The following DIS3L2 variants were observed in gnomAD, a reference collection of about 807,000 sequenced individuals.
DIS3L2 encodes the protein DIS3-like exonuclease 2.
Under a neutral mutation model 97.5 loss-of-function variants are expected in DIS3L2, and 34 were observed. The ratio of observed to expected loss-of-function variants is 0.35; its 90% confidence interval spans 0.27 to 0.46. The LOEUF (loss-of-function observed/expected upper bound fraction) is 0.46, where lower values mean the gene tolerates loss of function less well. Ranked by LOEUF, DIS3L2 falls within the 20% of genes least tolerant of loss-of-function variation. The pLI is 1.00. For synonymous variants in DIS3L2, 435 were observed against 445.2 expected, an observed-to-expected ratio of 0.98 and a Z score of 0.29; for missense variants, 1,038 against 1,146.0, an observed-to-expected ratio of 0.91 and a Z score of 1.36.
intron 5 of DIS3L2, among the ~76,000 whole-genome samples, chr2:232,031,920 G>T (rs1433405581): frequency 2.0e-5 from 3 of 152,162 alleles, no homozygotes; most frequent in Non-Finnish European, 4.4e-5. Flanking sequence ...ATTTGAGTTG[G>T]TTCCAAGTCT....
chr2:232,148,752 T>C (rs1407841792), intron 8 of DIS3L2, among the ~76,000 whole-genome samples: 43 of 134,448 alleles, frequency 3.2e-4, no homozygotes, highest in African/African-American at 6.0e-4. Flanking sequence ...TTCTTTCTTT[T>C]TTTTTTTTTT....
intron 1 of DIS3L2, among the ~76,000 whole-genome samples, chr2:232,008,709 G>A (rs575044714): frequency 4.6e-5 from 7 of 152,186 alleles, no homozygotes; most frequent in African/African-American, 1.7e-4. Context: ...GCTGAGGATC[G>A]GCAAAACTTG....
intron 6 of DIS3L2, among the ~76,000 whole-genome samples, chr2:232,111,759 T>C (rs1225021552): frequency 6.6e-6 from 1 of 152,224 alleles, no homozygotes; most frequent in African/African-American, 2.4e-5. Flanking sequence ...CCAGTCAGGC[T>C]GAATCCTGCT....
intron 5 of DIS3L2, among the ~76,000 whole-genome samples, chr2:232,032,923 G>C (rs553637000): frequency 4.3e-4 from 65 of 152,230 alleles, no homozygotes; most frequent in African/African-American, 1.5e-3. Context: ...GTCAGGTAGC[G>C]TGATGCCTCC....
At chr2:232,197,449 G>A (rs1296535714) in intron 9 of DIS3L2, among the ~76,000 whole-genome samples, 1 of 152,014 alleles carries the variant, frequency 6.6e-6, no homozygotes, top group East Asian at 1.9e-4. Context: ...CTTGGTACTT[G>A]ACTTTCTCAG....
At chr2:231,991,917 G>A (rs763098509) in intron 1 of DIS3L2, among the ~76,000 whole-genome samples, 2 of 152,102 alleles carry the variant, frequency 1.3e-5, no homozygotes, top group East Asian at 3.9e-4. Context: ...AGTGATGAAC[G>A]GGACATACAA....
At chr2:232,265,678 T>A (rs1342802007) in intron 13 of DIS3L2, among the ~76,000 whole-genome samples, 1 of 152,224 alleles carries the variant, frequency 6.6e-6, no homozygotes, top group Non-Finnish European at 1.5e-5. Flanking sequence ...AAAAACTAAG[T>A]TAAATGTTTT....
intron 9 of DIS3L2, among the ~76,000 whole-genome samples, chr2:232,200,584 A>AT (rs1013874702): frequency 8.0e-5 from 12 of 149,634 alleles, no homozygotes; most frequent in African/African-American, 3.1e-4. Flanking sequence ...AACACAGTGA[A>AT]TTTTTTTAAA....
At chr2:232,143,814 C>G (rs1690139858) in intron 8 of DIS3L2, among the ~76,000 whole-genome samples, 1 of 152,064 alleles carries the variant, frequency 6.6e-6, no homozygotes, top group African/African-American at 2.4e-5. Context: ...AGTTCCCTGT[C>G]TGTTCTCCTG....
chr2:232,240,881 T>C (rs1232300653), intron 11 of DIS3L2, among the ~76,000 whole-genome samples: 1 of 152,200 alleles, frequency 6.6e-6, no homozygotes, highest in Admixed American at 6.5e-5. Context: ...AATCAGAAAA[T>C]GAAAAAATCA....
intron 6 of DIS3L2, among the ~76,000 whole-genome samples, chr2:232,096,457 C>T (rs13029321): frequency 0.14 from 20,999 of 152,056 alleles, 1,890 homozygotes; most frequent in South Asian, 0.34. Context: ...ATATTAATGT[C>T]TTTCTCTAGG....
intron 13 of DIS3L2, among the ~76,000 whole-genome samples, chr2:232,286,520 G>A (rs1694437456): frequency 6.6e-6 from 1 of 152,178 alleles, no homozygotes; most frequent in South Asian, 2.1e-4. Flanking sequence ...GAAATATTGA[G>A]TCCCAATCAG....
At chr2:232,318,933 G>T (rs1695351729) in intron 14 of DIS3L2, among the ~76,000 whole-genome samples, 1 of 152,204 alleles carries the variant, frequency 6.6e-6, no homozygotes. Context: ...TGAAACCCCA[G>T]GAGCATTCCA....
chr2:231,962,532 T>G (rs1442738061), intron 1 of DIS3L2, among the ~76,000 whole-genome samples: 1 of 151,704 alleles, frequency 6.6e-6, no homozygotes, highest in Non-Finnish European at 1.5e-5. Context: ...CCTCCTGGGT[T>G]CATGCCATTC....
At chr2:232,232,421 A>C (rs1692818758) in intron 10 of DIS3L2, among the ~76,000 whole-genome samples, 3 of 152,222 alleles carry the variant, frequency 2.0e-5, no homozygotes. Context: ...AGGTTGTTAG[A>C]TATTTCTTAG....
rs1213973133 is a variant in DIS3L2 at position 232,281,376 on chromosome 2, G to A, written c.1659+17936G>A. Among the ~76,000 whole-genome samples, 2 of 151,932 alleles carry A rather than the reference G, an allele frequency of 1.3e-5. No individual in the cohort carries two copies. Among genetic ancestry groups the A allele is most frequent in the African/African-American group, 2.4e-5 (1 of 41,428 alleles). On this transcript the variant is annotated intron_variant, in intron 13 of 20. Coordinates refer to ENST00000325385, the MANE Select transcript of DIS3L2 (RefSeq NM_152383.5). This position sits in a 1 kb window ranked among gnomAD's most constrained non-coding sequence, Gnocchi z 4.1. ...ATGGCGCCACTGCACTTCAGCCTGG[G>A]TGACAGAGCAAGACTCTGTCTCAAA...
Position 232,320,982 on chromosome 2 carries a change from G to C in DIS3L2, c.1740-8831G>C, listed in dbSNP as rs77880290. ...GGAGGGAGATGTGTGAACTGAACCT[G>C]TACAGCCCCACGAGTTGCTGAGTGG... On this transcript the variant is annotated intron_variant, in intron 14 of 20. Coordinates refer to ENST00000325385, the MANE Select transcript of DIS3L2 (RefSeq NM_152383.5). Among the ~76,000 whole-genome samples the C allele has an allele frequency of 7.5e-4, 115 of 152,322 alleles. No homozygotes were observed. In the East Asian group the frequency reaches 0.021, roughly 28 times the overall value.
intron 1 of DIS3L2, among the ~76,000 whole-genome samples, chr2:231,982,909 A>G (rs1180666495): frequency 1.3e-5 from 2 of 151,916 alleles, no homozygotes; most frequent in Non-Finnish European, 2.9e-5. Context: ...CGAACTCTTA[A>G]CCTCAGATGA....
chr2:232,235,071 T>G (rs995918941), intron 10 of DIS3L2, among the ~76,000 whole-genome samples: 5 of 152,232 alleles, frequency 3.3e-5, no homozygotes, highest in African/African-American at 4.8e-5. Context: ...TCATGTCCCG[T>G]CAGGTTCATT....
Sources: gnomAD v4.1 joint callset for allele counts (sites outside exome capture counted in the v4.1 genomes callset) on GRCh38, gnomAD v4.1.1 for gene constraint, Gnocchi (gnomAD v3.1) non-coding constraint, MANE v1.5 for transcripts, NCBI Gene and HGNC (gene_info 2026-07-23, HGNC 2026-07-21) for gene names.